PIWIL4: variants seen among roughly 807,000 people sequenced by gnomAD.
PIWIL4 encodes the protein piwi like RNA-mediated gene silencing 4.
A neutral mutation model predicts 100.9 loss-of-function variants in PIWIL4; 50 were observed. The observed-to-expected ratio is 0.50, with a 90% CI of 0.39 to 0.63. The LOEUF is 0.63. PIWIL4 is among the 20% of genes least tolerant of loss of function. The pLI is 0.00. For synonymous variants in PIWIL4, 342 were observed against 367.5 expected (o/e 0.93, Z 0.79); for missense variants, 887 against 1,043.3 (o/e 0.85, Z 2.06).
intron 15 of PIWIL4, among the ~76,000 whole-genome samples, chr11:94,615,231 G>A (rs1053397330): frequency 6.6e-6 from 1 of 152,108 alleles, no homozygotes; most frequent in Non-Finnish European, 1.5e-5. Flanking sequence ...AAAAAAGTGG[G>A]CATCCTAGGC....
chr11:94,609,650 T>G (rs1948765379), intron 15 of PIWIL4, among the ~76,000 whole-genome samples: 1 of 152,146 alleles, frequency 6.6e-6, no homozygotes, highest in South Asian at 2.1e-4. Flanking sequence ...TATCTAAAAT[T>G]TATTTTGATA....
At chr11:94,568,067 CA>C (rs914330925) in intron 1 of PIWIL4, among the ~76,000 whole-genome samples, 2 of 151,518 alleles carry the variant, frequency 1.3e-5, no homozygotes, top group Non-Finnish European at 2.9e-5. Flanking sequence ...TGGATTTAGG[CA>C]ACTAGATTGA....
chr11:94,607,427 T>G lies in PIWIL4; in HGVS notation c.1639-12T>G. On this transcript the variant is annotated splice_polypyrimidine_tract_variant and intron_variant, in intron 13 of 19. Transcript: ENST00000299001. ...ATTAACTTCCAAAATCTTTTGCTGT[T>G]TTTGCTTTTAGGTAATGTGCATTCT... 1 of 1,609,278 alleles carries G rather than the reference T, an allele frequency of 6.2e-7. No individual in the cohort carries two copies. Among genetic ancestry groups the G allele is most frequent in the South Asian group, 1.1e-5 (1 of 90,482 alleles).
chr11:94,614,014 A>G (rs1192064826), intron 15 of PIWIL4, among the ~76,000 whole-genome samples: 4 of 152,052 alleles, frequency 2.6e-5, no homozygotes, highest in African/African-American at 9.7e-5. Context: ...CACCTGCCTC[A>G]GCCTCCCAAA....
chr11:94,585,576 A>G (rs1238142795), intron 6 of PIWIL4, 51 bp downstream of exon 6: 1 of 1,371,082 alleles, frequency 7.3e-7, no homozygotes, highest in East Asian at 2.3e-5. Context: ...AATGTGAGCA[A>G]CATAATTTAT....
At chr11:94,587,993 T>G (rs1239728464) in intron 7 of PIWIL4, among the ~76,000 whole-genome samples, 1 of 152,188 alleles carries the variant, frequency 6.6e-6, no homozygotes, top group Non-Finnish European at 1.5e-5. Flanking sequence ...ATGTGCAGGA[T>G]GTGCAGGTTT....
chr11:94,583,420 G>C (rs1249632262), intron 4 of PIWIL4, 28 bp from the exon 5 acceptor site: 1 of 1,610,968 alleles, frequency 6.2e-7, no homozygotes, highest in East Asian at 2.2e-5. Context: ...AATTTGTAGG[G>C]TGCATATTAA....
intron 2 of PIWIL4, among the ~76,000 whole-genome samples, chr11:94,569,247 G>A (rs1243620882): frequency 3.3e-5 from 5 of 152,128 alleles, no homozygotes; most frequent in African/African-American, 7.2e-5. Flanking sequence ...AGCATCCATC[G>A]ATGGATAATT....
At chr11:94,613,451 C>CAGT (rs1948809222) in intron 15 of PIWIL4, among the ~76,000 whole-genome samples, 1 of 152,146 alleles carries the variant, frequency 6.6e-6, no homozygotes, top group African/African-American at 2.4e-5. Context: ...TGGGTTGAAC[C>CAGT]TGCTTCAGAA....
At chr11:94,567,771 T>C in intron 1 of PIWIL4, 166 bp downstream of exon 1, 1 of 1,251,910 alleles carries the variant, frequency 8.0e-7, no homozygotes, top group Non-Finnish European at 1.0e-6. Flanking sequence ...AGTTTTCTCC[T>C]TCTAGGGATC....
rs868732340 is a variant in PIWIL4 at position 94,619,803 on chromosome 11, C to T, written c.2212C>T (p.Arg738Ter). 2 of 1,614,002 alleles carry T rather than the reference C, an allele frequency of 1.2e-6. No individual in the cohort carries two copies. Among genetic ancestry groups the T allele is most frequent in the Non-Finnish European group, 8.5e-7 (1 of 1,180,006 alleles). ...VIVVRKKCMP[R>*]FFTEMNRTVQ... ...TGTGGTCAGGAAGAAGTGCATGCCACGATTCTTTACCGAAATGAACCGCAC... is the reference window on the plus strand; with the variant it reads ...TGTGGTCAGGAAGAAGTGCATGCCATGATTCTTTACCGAAATGAACCGCAC... Residue 738 changes from arginine to a stop codon, truncating the protein, a stop_gained, in exon 18 of 20, where the codon CGA (arginine) becomes TGA (stop). Coordinates refer to ENST00000299001, the MANE Select transcript of PIWIL4 (RefSeq NM_152431.3). LOFTEE classifies it high-confidence loss of function.
chr11:94,570,874 A>G (rs1013939724), intron 2 of PIWIL4, among the ~76,000 whole-genome samples: 1 of 152,218 alleles, frequency 6.6e-6, no homozygotes, highest in Non-Finnish European at 1.5e-5. Context: ...CTTGGGCAAC[A>G]AGAGGGAAAT....
intron 2 of PIWIL4, among the ~76,000 whole-genome samples, chr11:94,569,034 T>G (rs1192534211): frequency 6.6e-6 from 1 of 152,240 alleles, no homozygotes; most frequent in Non-Finnish European, 1.5e-5. Flanking sequence ...GGAAGCCAGT[T>G]TCTGTCTCTT....
At chr11:94,596,416 T>C (rs1948560072) in intron 10 of PIWIL4, among the ~76,000 whole-genome samples, 1 of 152,210 alleles carries the variant, frequency 6.6e-6, no homozygotes, top group Non-Finnish European at 1.5e-5. Flanking sequence ...TTAATTCAAT[T>C]AATATTAGTA....
In PIWIL4 at chr11:94,567,513, G is replaced by T; in HGVS notation, c.-6G>T. 1 of 1,584,728 alleles carries T rather than the reference G, an allele frequency of 6.3e-7. No individual in the cohort carries two copies. The highest frequency in any genetic ancestry group is 8.6e-7 in the Non-Finnish European group (1 of 1,164,976). ...CTCTTGTGGCCACTCTGGGCTCACC[G>T]GGAACATGAGTGGAAGAGCCCGAGT... is the stretch of plus-strand genomic sequence containing the variant. On this transcript the variant is annotated 5_prime_UTR_variant, in exon 1 of 20. Coordinates refer to ENST00000299001, the MANE Select transcript of PIWIL4 (RefSeq NM_152431.3).
At chr11:94,589,364 T>C (rs1387015661) in intron 8 of PIWIL4, 132 bp downstream of exon 8, 1 of 691,988 alleles carries the variant, frequency 1.4e-6, no homozygotes, top group Non-Finnish European at 2.4e-6. Context: ...CTTGTCTCTC[T>C]CCTTCATCCC....
At chr11:94,592,135 CCCTCCCACT>C (rs1948494783) in intron 8 of PIWIL4, among the ~76,000 whole-genome samples, 1 of 152,184 alleles carries the variant, frequency 6.6e-6, no homozygotes, top group Non-Finnish European at 1.5e-5. Flanking sequence ...TCCTCCCCAC[CCCTCCCACT>C]CCAGCCCAGG....
At position 94,567,408 on chromosome 11, in the gene PIWIL4, C is replaced by A; in HGVS notation, c.-111C>A. ...GCGTTGGTTGTGGATGCTGGACATC[C>A]ACCGCCTCCAGGCAGTTTCGCCGTC... On this transcript the variant is annotated 5_prime_UTR_variant, in exon 1 of 20. Coordinates refer to ENST00000299001, the MANE Select transcript of PIWIL4 (RefSeq NM_152431.3). The A allele has an allele frequency of 1.0e-6, 1 of 993,726 alleles. No homozygotes were observed. Among genetic ancestry groups the A allele is most frequent in the Non-Finnish European group, 1.4e-6 (1 of 710,774 alleles). The allele number at this position is 993,726 out of a possible 1,614,324, so 61.6% of individuals were successfully genotyped here.
intron 4 of PIWIL4, among the ~76,000 whole-genome samples, chr11:94,579,843 T>G (rs1392724841): frequency 6.6e-6 from 1 of 152,264 alleles, no homozygotes; most frequent in African/African-American, 2.4e-5. Context: ...CTTCTCATAC[T>G]TAAATGATAT....
Sources: allele counts gnomAD v4.1 joint callset (sites outside exome capture counted in the v4.1 genomes callset), GRCh38; gene constraint gnomAD v4.1.1; transcripts MANE v1.5; gene names NCBI Gene and HGNC (gene_info 2026-07-23, HGNC 2026-07-21).